The following CMIP variants were observed in gnomAD, a reference collection of about 807,000 sequenced individuals.
The protein encoded by CMIP is c-Maf inducing protein, also known as C-Maf-inducing protein.
CMIP carries 13 observed loss-of-function variants against 97.3 expected under a neutral mutation model. The observed-to-expected ratio is 0.13, with a 90% CI of 0.09 to 0.21. CMIP has a LOEUF of 0.21. CMIP is among the 10% of genes least tolerant of loss of function. CMIP has a pLI of 1.00. For missense variants in CMIP, 847 were observed against 1,024.9 expected, an observed-to-expected ratio of 0.83 and a Z score of 2.37; for synonymous variants, 538 against 436.3, an observed-to-expected ratio of 1.23 and a Z score of -2.91.
chr16:81,516,423 C>T (rs532015255), intron 1 of CMIP, among the ~76,000 whole-genome samples: 4 of 152,336 alleles, frequency 2.6e-5, no homozygotes, highest in Admixed American at 6.5e-5. Context: ...AGCTCTACTT[C>T]GGTTCAGCCC....
intron 1 of CMIP, among the ~76,000 whole-genome samples, chr16:81,498,531 G>C (rs935496812): frequency 6.6e-6 from 1 of 152,156 alleles, no homozygotes; most frequent in Non-Finnish European, 1.5e-5. Context: ...TCTGCTCCTC[G>C]CGCCTCACTC....
chr16:81,666,076 C>T (rs921285237), intron 7 of CMIP: 2 of 152,196 alleles, frequency 1.3e-5, no homozygotes, highest in Non-Finnish European at 2.9e-5. Flanking sequence ...GGAGACTCCC[C>T]ACTGGGGGAT....
At chr16:81,497,074 C>G (rs955532073) in intron 1 of CMIP, among the ~76,000 whole-genome samples, 1 of 152,140 alleles carries the variant, frequency 6.6e-6, no homozygotes, top group African/African-American at 2.4e-5. Flanking sequence ...AGGTGTAGAC[C>G]CTGGGCCTCC....
At chr16:81,683,620 C>A (rs1262981687) in intron 10 of CMIP, among the ~76,000 whole-genome samples, 1 of 151,970 alleles carries the variant, frequency 6.6e-6, no homozygotes, top group Non-Finnish European at 1.5e-5. Flanking sequence ...GAACTCCTGA[C>A]CTCAAGTGAT....
intron 1 of CMIP, among the ~76,000 whole-genome samples, chr16:81,564,119 G>A (rs541766713): frequency 2.6e-5 from 4 of 152,246 alleles, no homozygotes; most frequent in Non-Finnish European, 4.4e-5. Context: ...ACAGAAGCAG[G>A]TGGTGACATC....
At chr16:81,445,570 G>T (rs756541133) in intron 1 of CMIP, 29 bp downstream of exon 1, 1 of 1,532,852 alleles carries the variant, frequency 6.5e-7, no homozygotes, top group Non-Finnish European at 8.8e-7. Flanking sequence ...CTGCACCCCC[G>T]CCTCTCCTCG....
chr16:81,540,083 G>A (rs1352992888), intron 1 of CMIP, among the ~76,000 whole-genome samples: 5 of 152,196 alleles, frequency 3.3e-5, no homozygotes, highest in African/African-American at 4.8e-5. Flanking sequence ...TTGAAAGGTC[G>A]TTTTTAGTGT....
chr16:81,513,915 C>T (rs575099728), intron 1 of CMIP, among the ~76,000 whole-genome samples: 32 of 152,334 alleles, frequency 2.1e-4, no homozygotes, highest in African/African-American at 7.5e-4. Context: ...CTAGGTGGGG[C>T]ATTCTTGCCC....
At chr16:81,489,102 G>A (rs1014748256) in intron 1 of CMIP, among the ~76,000 whole-genome samples, 2 of 152,146 alleles carry the variant, frequency 1.3e-5, no homozygotes, top group Non-Finnish European at 2.9e-5. Context: ...CTCAGGCACA[G>A]GAGATGCACC....
rs899828789 is a variant in CMIP, at chr16:81,544,962, G to C, written c.301-62605G>C. On this transcript the variant is annotated intron_variant, in intron 1 of 20. Transcript: ENST00000537098. ...TTTGGCAGAGAAGGCTGCCAAATTG[G>C]GGCCAGACTCAATCTTTTCATTTTC... Among the ~76,000 whole-genome samples, 150 of 152,186 alleles carry C rather than the reference G, an allele frequency of 9.9e-4. 2 individuals are homozygous for C. Among genetic ancestry groups the C allele is most frequent in the Non-Finnish European group, 1.7e-3 (114 of 68,010 alleles).
chr16:81,699,341 A>G (rs946760475), intron 14 of CMIP, among the ~76,000 whole-genome samples: 1 of 152,244 alleles, frequency 6.6e-6, no homozygotes, highest in African/African-American at 2.4e-5. Flanking sequence ...TGCATTTAGT[A>G]TTATAGATTT....
At chr16:81,663,475 G>A (rs2092569511) in intron 6 of CMIP, among the ~76,000 whole-genome samples, 2 of 152,184 alleles carry the variant, frequency 1.3e-5, no homozygotes, top group South Asian at 4.2e-4. Flanking sequence ...CCAGGGGTTG[G>A]GGAGAGGGAG....
At chr16:81,466,470 G>A (rs1414957227) in intron 1 of CMIP, among the ~76,000 whole-genome samples, 3 of 152,206 alleles carry the variant, frequency 2.0e-5, no homozygotes, top group African/African-American at 7.2e-5. Flanking sequence ...TACTAGTGAT[G>A]ATCTTGGCAA....
At chr16:81,544,134 C>T (rs548726398) in intron 1 of CMIP, among the ~76,000 whole-genome samples, 15 of 152,328 alleles carry the variant, frequency 9.8e-5, no homozygotes, top group African/African-American at 3.4e-4. Context: ...GCAGGGGTCC[C>T]CCCGCCCCAA....
intron 1 of CMIP, among the ~76,000 whole-genome samples, chr16:81,524,435 G>A (rs1330049344): frequency 6.6e-6 from 1 of 152,196 alleles, no homozygotes; most frequent in Non-Finnish European, 1.5e-5. Context: ...GGTGACCTTG[G>A]GTGAGTTAAC....
intron 1 of CMIP, among the ~76,000 whole-genome samples, chr16:81,548,802 T>A (rs2090599613): frequency 6.6e-6 from 1 of 152,196 alleles, no homozygotes; most frequent in Non-Finnish European, 1.5e-5. Flanking sequence ...GCTACGATCA[T>A]GCTGCTGCAC....
At chr16:81,691,689 A>G (rs961800887) in intron 10 of CMIP, 86 bp from the exon 11 acceptor site, 17 of 1,058,036 alleles carry the variant, frequency 1.6e-5, no homozygotes, top group Middle Eastern at 2.0e-4. Context: ...CTCTCACCCC[A>G]TCTTTTGGCC....
chr16:81,682,566 C>G (rs1215377493), intron 10 of CMIP, among the ~76,000 whole-genome samples: 3 of 149,884 alleles, frequency 2.0e-5, no homozygotes, highest in Non-Finnish European at 4.4e-5. Flanking sequence ...ACTCCCATCT[C>G]CAAAAAAAAA....
At chr16:81,597,069 G>T (rs764411564) in intron 1 of CMIP, among the ~76,000 whole-genome samples, 1 of 152,170 alleles carries the variant, frequency 6.6e-6, no homozygotes, top group Non-Finnish European at 1.5e-5. Context: ...ATGGTCATTT[G>T]GGTAGTTTCT....
Sources: allele counts gnomAD v4.1 joint callset (sites outside exome capture counted in the v4.1 genomes callset), GRCh38; gene constraint gnomAD v4.1.1; transcripts MANE v1.5; gene names NCBI Gene and HGNC (gene_info 2026-07-23, HGNC 2026-07-21).